The following ZNF813 variants were observed in gnomAD, a reference collection of about 807,000 sequenced individuals.
The protein encoded by ZNF813 is zinc finger protein 813.
Under a neutral mutation model 7.2 loss-of-function variants are expected in ZNF813, and 3 were observed. The ratio of observed to expected loss-of-function variants is 0.42; its 90% confidence interval spans 0.19 to 1.08. The LOEUF (loss-of-function observed/expected upper bound fraction) is 1.08. Ranked by LOEUF, ZNF813 falls within the 50% of genes least tolerant of loss-of-function variation. The probability of loss-of-function intolerance (pLI) is 0.30; values close to 1 mark genes in which losing one functional copy is unlikely to be tolerated. For synonymous variants in ZNF813, 227 were observed against 256.3 expected (o/e 0.89, Z 1.09); for missense variants, 714 against 753.3 (o/e 0.95, Z 0.61).
At position 53,495,033 on chromosome 19, in the gene ZNF813, A is replaced by T. The variant is rs1439703897; in HGVS notation, c.*2947A>T. On this transcript the variant is annotated 3_prime_UTR_variant, in exon 4 of 4. Transcript: ENST00000396403. ...AGCGAGATACTGGCTCAAAAAAAAA[A>T]ATACTTCTTGTAAAGTTTGGGTAGA... 6.6e-6 allele frequency: 1 copy of T among 152,186 alleles called. No homozygotes were observed. The highest frequency in any genetic ancestry group is 6.6e-5 in the Admixed American group (1 of 15,262). The allele number at this position is 152,186 out of a possible 1,614,324, so 9.4% of individuals were successfully genotyped here.
intron 1 of ZNF813, among the ~76,000 whole-genome samples, chr19:53,471,724 A>T (rs1384433168): frequency 6.7e-6 from 1 of 149,820 alleles, no homozygotes; most frequent in Non-Finnish European, 1.5e-5. Flanking sequence ...AGGCAGGAGA[A>T]TGGCGTGAAC....
chr19:53,474,076 C>G (rs2086371601), intron 1 of ZNF813, among the ~76,000 whole-genome samples: 1 of 152,212 alleles, frequency 6.6e-6, no homozygotes, highest in East Asian at 1.9e-4. Flanking sequence ...AATGCTGGCC[C>G]ATTGTCTGAC....
rs1279916213 is a variant in ZNF813, at chr19:53,491,040, C to A, written c.808C>A (p.Pro270Thr). 4 of 1,614,162 alleles carry A rather than the reference C, an allele frequency of 2.5e-6. No homozygotes were observed. The Admixed American group carries it at 5.0e-5, about 20-fold the overall frequency. The change falls in exon 4 of 4, where the codon CCT becomes ACT. Residue 270 changes from proline to threonine, a missense_variant. Pro to Thr is a conservative substitution (Grantham distance 38, BLOSUM62 -1). Around this residue, in one of 3 missense-constraint regions of ZNF813, gnomAD observed 563 missense variants for 554.2 expected, o/e 1.02. Transcript: ENST00000396403. ...CHRRCHTGEK[P>T]YRCNECGKTF... ...TCGTAGATGTCACACTGGGGAGAAA[C>A]CTTACAGGTGTAATGAGTGTGGCAA...
At chr19:53,488,313 G>A (rs761403719) in intron 3 of ZNF813, 19 of 446,132 alleles carry the variant, frequency 4.3e-5, no homozygotes, top group South Asian at 1.4e-4. Context: ...GTGAACCACC[G>A]CGCCCTGCCT....
At position 53,492,520 on chromosome 19, in the gene ZNF813, A is replaced by G; in HGVS notation, c.*434A>G. ...ACTCACACCTGGCACAACATCCTAG[A>G]ATTTATACTGGAGAGAAACCTTACA... On this transcript the variant is annotated 3_prime_UTR_variant, in exon 4 of 4. Transcript: ENST00000396403. 2.0e-6 allele frequency: 1 copy of G among 491,198 alleles called. No individual in the cohort carries two copies. Among genetic ancestry groups the G allele is most frequent in the African/African-American group, 2.0e-5 (1 of 50,400 alleles). The allele number at this position is 491,198 out of a possible 1,614,324, so 30.4% of individuals were successfully genotyped here.
At chr19:53,473,084 G>T (rs2086367220) in intron 1 of ZNF813, among the ~76,000 whole-genome samples, 1 of 152,176 alleles carries the variant, frequency 6.6e-6, no homozygotes, top group African/African-American at 2.4e-5. Context: ...GCAAAACAGT[G>T]TACAGCATGT....
intron 1 of ZNF813, among the ~76,000 whole-genome samples, chr19:53,469,452 C>G (rs2708721): frequency 0.37 from 56,865 of 151,738 alleles, 11,139 homozygotes; most frequent in African/African-American, 0.49. Flanking sequence ...AGGAGACACA[C>G]GCAGTAGAAA....
At position 53,491,081 on chromosome 19, in the gene ZNF813, G is replaced by C. The variant is rs753848655; in HGVS notation, c.849G>C (p.Thr283=). 6.2e-7 allele frequency: 1 copy of C among 1,613,998 alleles called. No individual in the cohort carries two copies. The highest frequency in any genetic ancestry group is 8.5e-7 in the Non-Finnish European group (1 of 1,179,970). Residue 283 remains threonine, a synonymous_variant, in exon 4 of 4, where the codon ACG becomes ACC. Transcript: ENST00000396403. ...AGTGTGGCAAGACTTTCAGTCAGACGTATTCCCTTACATGCCATCGTAGAC... is the reference window on the plus strand; with the variant it reads ...AGTGTGGCAAGACTTTCAGTCAGACCTATTCCCTTACATGCCATCGTAGAC... ...CNECGKTFSQ[T]YSLTCHRRLH... is the part of the protein sequence containing the mutation.
chr19:53,472,444 G>A (rs373370064), intron 1 of ZNF813, among the ~76,000 whole-genome samples: 115 of 152,144 alleles, frequency 7.6e-4, no homozygotes, highest in African/African-American at 2.4e-3. Flanking sequence ...ATAGGCCATC[G>A]GTAAAAGGGA....
intron 1 of ZNF813, among the ~76,000 whole-genome samples, chr19:53,476,462 C>G (rs1170905729): frequency 2.0e-5 from 3 of 151,906 alleles, no homozygotes; most frequent in Non-Finnish European, 4.4e-5. Flanking sequence ...AACCCGGTCT[C>G]TACTAAAAAT....
intron 2 of ZNF813, among the ~76,000 whole-genome samples, chr19:53,484,758 G>A (rs2086424624): frequency 6.6e-6 from 1 of 152,162 alleles, no homozygotes; most frequent in Non-Finnish European, 1.5e-5. Context: ...TTAGTGACGG[G>A]TATCACCATG....
intron 1 of ZNF813, chr19:53,479,401 C>T: frequency 6.3e-7 from 1 of 1,588,056 alleles, no homozygotes; most frequent in Non-Finnish European, 8.5e-7. Context: ...CCAGGTTCTG[C>T]AGCTGCAGGC....
chr19:53,487,482 C>T (rs758745556), intron 3 of ZNF813, among the ~76,000 whole-genome samples: 9 of 151,990 alleles, frequency 5.9e-5, no homozygotes, highest in South Asian at 2.1e-4. Context: ...CTTGGGTCAC[C>T]GCAACTGGCT....
intron 1 of ZNF813, among the ~76,000 whole-genome samples, chr19:53,477,828 T>C (rs2086389062): frequency 6.6e-6 from 1 of 151,994 alleles, no homozygotes; most frequent in South Asian, 2.1e-4. Context: ...CTCAAAAGAA[T>C]AAAAGGGGTG....
chr19:53,476,909 G>A (rs62115396), intron 1 of ZNF813, among the ~76,000 whole-genome samples: 5,609 of 152,072 alleles, frequency 0.037, 147 homozygotes, highest in East Asian at 0.14. Flanking sequence ...TGATCCACCC[G>A]CCTTGGCCTC....
At chr19:53,479,653 G>C in intron 1 of ZNF813, 13 of 1,225,246 alleles carry the variant, frequency 1.1e-5, no homozygotes, top group Non-Finnish European at 1.5e-5. Flanking sequence ...AAAAGATGAA[G>C]AAGATGGAAC....
chr19:53,475,966 T>C (rs1363927010), intron 1 of ZNF813, among the ~76,000 whole-genome samples: 1 of 152,178 alleles, frequency 6.6e-6, no homozygotes, highest in Non-Finnish European at 1.5e-5. Flanking sequence ...TGGCTTCCTA[T>C]TAACGACTTA....
intron 1 of ZNF813, among the ~76,000 whole-genome samples, chr19:53,469,557 T>A (rs1251252479): frequency 6.6e-6 from 1 of 151,162 alleles, no homozygotes; most frequent in Non-Finnish European, 1.5e-5. Flanking sequence ...GTGAAAAAAA[T>A]ATATATAAGA....
At chr19:53,481,531 T>C (rs912582744) in intron 1 of ZNF813, among the ~76,000 whole-genome samples, 4 of 151,838 alleles carry the variant, frequency 2.6e-5, no homozygotes, top group African/African-American at 4.8e-5. Context: ...GGATTTTTAG[T>C]AGAGATGGGG....
Sources: gnomAD v4.1 joint callset for allele counts (sites outside exome capture counted in the v4.1 genomes callset) on GRCh38, gnomAD v4.1.1 for gene constraint, gnomAD v4.1.1 regional missense constraint, MANE v1.5 for transcripts, NCBI Gene and HGNC (gene_info 2026-07-23, HGNC 2026-07-21) for gene names.